Variants in KNL1 observed in about 807,000 individuals in gnomAD.
KNL1 encodes the protein kinetochore scaffold 1.
In KNL1, 66 loss-of-function variants were observed where a neutral mutation model predicts 201.3. The observed-to-expected ratio is 0.33, with a 90% CI of 0.27 to 0.40. The LOEUF is 0.40. Among genes scored for constraint, KNL1 ranks in the 10% least tolerant of loss-of-function variants. The pLI, the probability that KNL1 is intolerant of heterozygous loss-of-function variation, is 1.00. For missense variants in KNL1, 2,815 were observed against 2,690.5 expected, an observed-to-expected ratio of 1.05 and a Z score of -1.02; for synonymous variants, 895 against 899.2, an observed-to-expected ratio of 1.00 and a Z score of 0.08.
rs1892716526 is a variant in KNL1, at chr15:40,625,448, T to C, written c.5184T>C (p.Ser1728=). 6.2e-7 allele frequency: 1 copy of C among 1,613,844 alleles called. No homozygotes were observed. The highest frequency in any genetic ancestry group is 1.3e-5 in the African/African-American group (1 of 74,914). The change falls in exon 10 of 26, where the codon TCT becomes TCC. Residue 1728 remains serine, a synonymous_variant. Transcript: ENST00000399668. ...VYPDEINSSD[S]INIETEEKAL... ...CTGATGAGATCAATTCTTCAGACTC[T>C]ATTAACATAGAAACTGAGGAAAAGG...
chr15:40,613,317 T>C (rs930425294), intron 7 of KNL1, among the ~76,000 whole-genome samples: 1 of 152,184 alleles, frequency 6.6e-6, no homozygotes, highest in African/African-American at 2.4e-5. Flanking sequence ...TAGTGACTTA[T>C]GCATATATAT....
chr15:40,605,450 C>T (rs1228671515), intron 3 of KNL1, among the ~76,000 whole-genome samples: 1 of 152,110 alleles, frequency 6.6e-6, no homozygotes, highest in Non-Finnish European at 1.5e-5. Context: ...AAGACCTACC[C>T]AAACTGCTTT....
At chr15:40,614,190 T>C (rs1892268676) in intron 7 of KNL1, among the ~76,000 whole-genome samples, 1 of 150,292 alleles carries the variant, frequency 6.7e-6, no homozygotes, top group South Asian at 2.1e-4. Context: ...CTCCGCCTCA[T>C]GGGTTCAAGC....
chr15:40,623,166 G>A lies in KNL1; in HGVS notation c.2902G>A (p.Glu968Lys), dbSNP rs1376750561. 1 of 1,613,782 alleles carries A rather than the reference G, an allele frequency of 6.2e-7. No individual in the cohort carries two copies. Among genetic ancestry groups the A allele is most frequent in the African/African-American group, 1.3e-5 (1 of 74,902 alleles). The change falls in exon 10 of 26, where the codon GAA becomes AAA. Residue 968 changes from glutamate (E) to lysine (K), a missense_variant. Around this residue, in one of 3 missense-constraint regions of KNL1, gnomAD observed 2,464 missense variants for 2,291.7 expected, o/e 1.08. Coordinates refer to ENST00000399668, the MANE Select transcript of KNL1 (RefSeq NM_144508.5). ...TGTTTTCATTGACTACCAAGAAAAG[G>A]AAAGAACAGACAGACCTAACTTTGA... ...HTVFIDYQEK[E>K]RTDRPNFELS...
chr15:40,651,979 T>G (rs1455919943), intron 20 of KNL1, 26 bp from the exon 21 acceptor site: 3 of 1,566,992 alleles, frequency 1.9e-6, no homozygotes, highest in Admixed American at 1.7e-5. Context: ...AAACGCTTTT[T>G]AAAAATCTTG....
chr15:40,654,605 C>T (rs1399123630), intron 21 of KNL1, among the ~76,000 whole-genome samples: 1 of 150,804 alleles, frequency 6.6e-6, no homozygotes, highest in Non-Finnish European at 1.5e-5. Flanking sequence ...CACGGTGGCT[C>T]ATGCCTGTAA....
chr15:40,650,593 C>T lies in KNL1; in HGVS notation c.6212+10C>T. 3 of 1,556,450 alleles carry T rather than the reference C, an allele frequency of 1.9e-6. No individual in the cohort carries two copies. Among genetic ancestry groups the T allele is most frequent in the Non-Finnish European group, 8.6e-7 (1 of 1,158,660 alleles). On this transcript the variant is annotated intron_variant, in intron 19 of 25. Coordinates refer to ENST00000399668, the MANE Select transcript of KNL1 (RefSeq NM_144508.5). ...AAGAGGAGCTTCAAAGGTCAGCCTT[C>T]AATCCAAGTGTTAGAAAATATAATG... is the stretch of plus-strand genomic sequence containing the variant.
chr15:40,629,020 A>G (rs1193470820), intron 12 of KNL1, among the ~76,000 whole-genome samples: 1 of 152,176 alleles, frequency 6.6e-6, no homozygotes, highest in African/African-American at 2.4e-5. Context: ...GTGACAGAGC[A>G]AGGTCTTGTC....
At chr15:40,647,972 C>T (rs1227361094) in intron 17 of KNL1, among the ~76,000 whole-genome samples, 4 of 152,152 alleles carry the variant, frequency 2.6e-5, no homozygotes, top group Admixed American at 6.6e-5. Context: ...CTAGTGCTTT[C>T]GTGTGCCTTA....
At chr15:40,603,089 G>GTTT in intron 2 of KNL1, 123 bp downstream of exon 2, 4 of 519,752 alleles carry the variant, frequency 7.7e-6, no homozygotes, top group Non-Finnish European at 9.9e-6. Flanking sequence ...AAAAGTAGTA[G>GTTT]TTTTTTTTTT....
chr15:40,645,057 G>C lies in KNL1; in HGVS notation c.5859G>C (p.Trp1953Cys), dbSNP rs1360522452. The C allele has an allele frequency of 8.7e-6, 14 of 1,611,182 alleles. No individual in the cohort carries two copies. Among genetic ancestry groups the C allele is most frequent in the Non-Finnish European group, 1.2e-5 (14 of 1,178,392 alleles). ...KLLVDINKNL[W>C]EKMRHCSDKE... Reference sequence around the variant, plus strand: ...TGGTTGATATAAATAAGAACCTGTGGGAAAAAATGAGACACTGCTCTGACA... The same window carrying C: ...TGGTTGATATAAATAAGAACCTGTGCGAAAAAATGAGACACTGCTCTGACA... Residue 1953 changes from tryptophan (W) to cysteine (C), a missense_variant, in exon 15 of 26, where the codon TGG (tryptophan) becomes TGC (cysteine). Physicochemically the swap from Trp to Cys is radical, Grantham distance 215 (BLOSUM62 -2). Transcript: ENST00000399668.
Position 40,623,694 on chromosome 15 carries a change from A to G in KNL1, c.3430A>G (p.Asn1144Asp). 1.2e-6 allele frequency: 2 copies of G among 1,613,992 alleles called. No homozygotes were observed. Among genetic ancestry groups the G allele is most frequent in the South Asian group, 1.1e-5 (1 of 91,074 alleles). ...CTTAGAATGTAAAACTCTCCTGCCAAATGAAATAGCTATTAGGCCCATGGA... is the reference window on the plus strand; with the variant it reads ...CTTAGAATGTAAAACTCTCCTGCCAGATGAAATAGCTATTAGGCCCATGGA... ...TALECKTLLP[N>D]EIAIRPMDKT... The change falls in exon 10 of 26, where the codon AAT (asparagine) becomes GAT (aspartate). Residue 1144 changes from asparagine to aspartate, a missense_variant. Physicochemically the swap from Asn to Asp is conservative, Grantham distance 23 (BLOSUM62 1). Transcript: ENST00000399668.
chr15:40,624,217 G>A lies in KNL1; in HGVS notation c.3953G>A (p.Ser1318Asn), dbSNP rs1892656200. Residue 1318 changes from serine to asparagine, a missense_variant, in exon 10 of 26, where the codon AGT (serine) becomes AAT (asparagine). Transcript: ENST00000399668. ...TCCTGTACTGATAATTTGGAGGGTA[G>A]TGCCATGCTCTTATGTGATAAAGAT... ...VISCTDNLEGSAMLLCDKDEE... is the reference protein window; with the variant it reads ...VISCTDNLEGNAMLLCDKDEE... The A allele has an allele frequency of 6.2e-7, 1 of 1,613,892 alleles. No individual in the cohort carries two copies. Among genetic ancestry groups the A allele is most frequent in the East Asian group, 2.2e-5 (1 of 44,874 alleles).
Position 40,624,484 on chromosome 15 carries a change from G to A in KNL1, c.4220G>A (p.Ser1407Asn). 6.2e-7 allele frequency: 1 copy of A among 1,613,778 alleles called. No homozygotes were observed. The change falls in exon 10 of 26, where the codon AGT (serine) becomes AAT (asparagine). Residue 1407 changes from serine to asparagine, a missense_variant. Around this residue, in one of 3 missense-constraint regions of KNL1, gnomAD observed 2,464 missense variants for 2,291.7 expected, o/e 1.08. Transcript: ENST00000399668. ...TTGGCTAATCAAACTTTAGTATATA[G>A]TCAAGATCTGGGGGAGATGACTAAA... ...NLLANQTLVYSQDLGEMTKLN... is the reference protein window; with the variant it reads ...NLLANQTLVYNQDLGEMTKLN...
Position 40,624,968 on chromosome 15 carries a change from T to C in KNL1, c.4704T>C (p.Thr1568=). The C allele has an allele frequency of 1.2e-6, 2 of 1,613,962 alleles. No homozygotes were observed. The highest frequency in any genetic ancestry group is 1.7e-6 in the Non-Finnish European group (2 of 1,179,968). ...KPNLNNLNGK[T]GEFLAFQTVH... ...ATCTGAATAATTTGAATGGAAAAAC[T>C]GGAGAGTTTTTAGCCTTTCAAACTG... The change falls in exon 10 of 26, where the codon ACT becomes ACC. Residue 1568 remains threonine, a synonymous_variant. Coordinates refer to ENST00000399668, the MANE Select transcript of KNL1 (RefSeq NM_144508.5).
rs367638814 is a variant in KNL1, at chr15:40,623,680, A to G, written c.3416A>G (p.Lys1139Arg). The G allele has an allele frequency of 1.0e-4, 164 of 1,613,970 alleles. 1 individual carries two copies. The South Asian group carries it at 1.7e-3, about 17-fold the overall frequency. Residue 1139 changes from lysine to arginine, a missense_variant, in exon 10 of 26, where the codon AAA becomes AGA. Physicochemically the swap from Lys to Arg is conservative, Grantham distance 26. Transcript: ENST00000399668. ...TRSHTTALECKTLLPNEIAIR... is the reference protein window; with the variant it reads ...TRSHTTALECRTLLPNEIAIR... ...AGTCACACAACTGCCTTAGAATGTA[A>G]AACTCTCCTGCCAAATGAAATAGCT... is the stretch of plus-strand genomic sequence containing the variant.
At chr15:40,641,769 C>G (rs1595939309) in intron 14 of KNL1, among the ~76,000 whole-genome samples, 1 of 152,320 alleles carries the variant, frequency 6.6e-6, no homozygotes, top group African/African-American at 2.4e-5. Context: ...AAGGGATACT[C>G]AATCTATATA....
At chr15:40,601,760 G>A (rs1203653295) in intron 1 of KNL1, among the ~76,000 whole-genome samples, 2 of 149,778 alleles carry the variant, frequency 1.3e-5, no homozygotes, top group African/African-American at 4.9e-5. Flanking sequence ...CCCGGGAGGC[G>A]GAGCTTGCAG....
intron 3 of KNL1, 128 bp downstream of exon 3, chr15:40,605,277 C>T: frequency 3.4e-6 from 2 of 584,886 alleles, no homozygotes; most frequent in Admixed American, 2.6e-5. Context: ...TAGATAAAGA[C>T]TCAAATATTT....
Sources: allele counts gnomAD v4.1 joint callset (sites outside exome capture counted in the v4.1 genomes callset), GRCh38; gene constraint gnomAD v4.1.1; regional missense constraint gnomAD v4.1.1; transcripts MANE v1.5; gene names NCBI Gene and HGNC (gene_info 2026-07-23, HGNC 2026-07-21).